C14orf93: variants seen among roughly 807,000 people sequenced by gnomAD.
C14orf93 encodes the protein uncharacterized protein C14orf93.
Under a neutral mutation model 44.0 loss-of-function variants are expected in C14orf93, and 23 were observed. The observed-to-expected ratio is 0.52, with a 90% CI of 0.38 to 0.74. C14orf93 has a LOEUF of 0.74. Among genes scored for constraint, C14orf93 ranks in the 30% least tolerant of loss-of-function variants. The pLI is 0.00. For missense variants in C14orf93, 579 were observed against 678.9 expected (o/e 0.85, Z 1.64); for synonymous variants, 253 against 265.7 (o/e 0.95, Z 0.46).
rs557043681 is a variant in C14orf93, at chr14:23,001,897, C to G, written c.-379-2495G>C. ...TGGGCGGTGGCTCACGCCTGTAATC[C>G]CAGCACTTTGGGAGGCCGAGGCCGG... On this transcript the variant is annotated intron_variant, in intron 1 of 6. Transcript: ENST00000299088. Among the ~76,000 whole-genome samples, 332 of 147,438 alleles carry G rather than the reference C, an allele frequency of 2.3e-3. 1 individual carries two copies. The highest frequency in any genetic ancestry group is 8.0e-3 in the African/African-American group (316 of 39,600).
chr14:22,999,182 T>C lies in C14orf93; in HGVS notation c.-159A>G. On this transcript the variant is annotated 5_prime_UTR_variant, in exon 2 of 7. The change abolishes an upstream ATG in the 5' untranslated region. Coordinates refer to ENST00000299088, the MANE Select transcript of C14orf93 (RefSeq NM_021944.4). The stretch of plus-strand genomic sequence containing the variant: ...CTGTGAAAGAAGAGTAAACAAGCCA[T>C]GAAGAAGCACACAGTCCATGGCGGC... 3 of 1,197,596 alleles carry C rather than the reference T, an allele frequency of 2.5e-6. No homozygotes were observed. The South Asian group carries it at 4.8e-5, about 19-fold the overall frequency. 74.2% of individuals were successfully genotyped at this position (1,197,596 alleles called of 1,614,324 possible). A position where few individuals can be genotyped will look rare whatever the true frequency, so the allele number is the denominator to read the frequency against.
At chr14:23,003,872 ATATATATATATATATATATATATATAT>A (rs1306392602) in intron 1 of C14orf93, among the ~76,000 whole-genome samples, 1 of 11,444 alleles carries the variant, frequency 8.7e-5, no homozygotes, top group Non-Finnish European at 1.5e-4. Context: ...ATATATATAT[ATATATATATATATATATATATATATAT>A]TTTTTTTTTT....
In C14orf93 at chr14:23,000,337, G is replaced by T. The variant is rs564423958; in HGVS notation, c.-379-935C>A. Reference sequence around the variant, plus strand: ...GATAGAAAAAAAATCCTTCTGATGTGCCATGTCAAAACCTTAAGTATGTTT... The same window carrying T: ...GATAGAAAAAAAATCCTTCTGATGTTCCATGTCAAAACCTTAAGTATGTTT... On this transcript the variant is annotated intron_variant, in intron 1 of 6. Coordinates refer to ENST00000299088, the MANE Select transcript of C14orf93 (RefSeq NM_021944.4). Among the ~76,000 whole-genome samples, 366 of 152,060 alleles carry T rather than the reference G, an allele frequency of 2.4e-3. 1 individual carries two copies. The highest frequency in any genetic ancestry group is 8.4e-3 in the African/African-American group (348 of 41,472).
Position 22,986,378 on chromosome 14 carries a change from A to C in C14orf93, c.*837T>G, listed in dbSNP as rs1037975221. On this transcript the variant is annotated 3_prime_UTR_variant, in exon 7 of 7. Transcript: ENST00000299088. ...ATCCAACCTTATCAACAATGTATCC[A>C]TAGCACAGTACCTGACACCTAGTAA... The C allele has an allele frequency of 2.6e-5, 4 of 152,294 alleles. No individual in the cohort carries two copies. The highest frequency in any genetic ancestry group is 2.0e-4 in the Admixed American group (3 of 15,288). 9.4% of individuals were successfully genotyped at this position (152,294 alleles called of 1,614,324 possible).
Position 22,996,268 on chromosome 14 carries a change from G to C in C14orf93, c.598C>G (p.Leu200Val). The change falls in exon 3 of 7, where the codon CTG (leucine) becomes GTG (valine). Residue 200 changes from leucine to valine, a missense_variant and splice_region_variant. Physicochemically the swap from Leu to Val is conservative, Grantham distance 32. Transcript: ENST00000299088. This position sits in a 1 kb window ranked among gnomAD's most constrained non-coding sequence, Gnocchi z 4.1. ...TCAGAGGCCACGTAATCATCCACCA[G>C]CTAAGAACATAAAAAATAATAGCCT... ...ASEAAPLLNP[L>V]VDDYVASEGA... 6.5e-7 allele frequency: 1 copy of C among 1,536,386 alleles called. No homozygotes were observed. Among genetic ancestry groups the C allele is most frequent in the Non-Finnish European group, 8.8e-7 (1 of 1,137,974 alleles).
intron 2 of C14orf93, chr14:22,998,152 T>C (rs1378869218): frequency 7.6e-6 from 3 of 395,874 alleles, no homozygotes; most frequent in Admixed American, 4.1e-5. Context: ...CCGAGACAGC[T>C]GTGGAAGAGA....
At position 22,999,060 on chromosome 14, in the gene C14orf93, G is replaced by A; in HGVS notation, c.-37C>T. The A allele has an allele frequency of 1.3e-6, 2 of 1,561,254 alleles. No homozygotes were observed. The highest frequency in any genetic ancestry group is 1.7e-6 in the Non-Finnish European group (2 of 1,156,372). On this transcript the variant is annotated 5_prime_UTR_variant, in exon 2 of 7. Transcript: ENST00000299088. ...CAGTAACAACCACGCTTACACTGCT[G>A]GGCCGCTCCAACAGGTAGGAAGCAT...
chr14:22,988,037 G>C, intron 5 of C14orf93, 22 bp from the exon 6 acceptor site: 2 of 1,540,892 alleles, frequency 1.3e-6, no homozygotes. Flanking sequence ...GGAAGGAAGG[G>C]AGCAAGAAGG....
chr14:22,991,450 G>A (rs866603782), intron 3 of C14orf93, among the ~76,000 whole-genome samples: 8 of 148,100 alleles, frequency 5.4e-5, no homozygotes, highest in Non-Finnish European at 7.5e-5. Flanking sequence ...TCACCATGTT[G>A]GTCAGGCTGG....
Position 22,998,707 on chromosome 14 carries a change from G to T in C14orf93, c.317C>A (p.Ser106Tyr), listed in dbSNP as rs1190550899. ...GCTTTCCCCATCTTCATCAGGGATG[G>T]ACACTTTCCCTTGCCTCAGGTCACC... ...EVGDLRQGKV[S>Y]IPDEDGESRA... Residue 106 changes from serine to tyrosine, a missense_variant, in exon 2 of 7, where the codon TCC becomes TAC. Physicochemically the swap from Ser to Tyr is moderately radical, Grantham distance 144. Transcript: ENST00000299088. The T allele has an allele frequency of 1.2e-6, 2 of 1,614,234 alleles. No individual in the cohort carries two copies. Among genetic ancestry groups the T allele is most frequent in the South Asian group, 1.1e-5 (1 of 91,088 alleles).
Position 22,987,882 on chromosome 14 carries a change from A to G in C14orf93, c.1197+21T>C, listed in dbSNP as rs1426721601. ...AAGGGTTTAGAGTTTAGTATCTTGA[A>G]AGAAAGGCCTAGAAACCTACCCGAT... On this transcript the variant is annotated intron_variant, in intron 6 of 6. Transcript: ENST00000299088. This position sits in a 1 kb window ranked among gnomAD's most constrained non-coding sequence, Gnocchi z 5.6. 1.9e-6 allele frequency: 3 copies of G among 1,578,264 alleles called. No individual in the cohort carries two copies. Among genetic ancestry groups the G allele is most frequent in the Non-Finnish European group, 1.7e-6 (2 of 1,148,210 alleles).
At chr14:22,991,639 C>T (rs2045637361) in intron 3 of C14orf93, among the ~76,000 whole-genome samples, 2 of 150,752 alleles carry the variant, frequency 1.3e-5, no homozygotes, top group African/African-American at 4.9e-5. Context: ...GGCGGGATCT[C>T]GGCTCACTGC....
chr14:22,987,622 G>C lies in C14orf93; in HGVS notation c.1210C>G (p.Arg404Gly), dbSNP rs777509752. ...CCAAAATGCCTCATGATACTGGATCGGTTGGCAAAAAGCTAAGGCAGGAAC... is the reference window on the plus strand; with the variant it reads ...CCAAAATGCCTCATGATACTGGATCCGTTGGCAAAAAGCTAAGGCAGGAAC... Reference protein sequence around the residue: ...RSRRYRLFANRSSIMRHFGPE... With the variant: ...RSRRYRLFANGSSIMRHFGPE... The change falls in exon 7 of 7, where the codon CGA becomes GGA. Residue 404 changes from arginine (R) to glycine (G), a missense_variant. Physicochemically the swap from Arg to Gly is moderately radical, Grantham distance 125 (BLOSUM62 -2). Coordinates refer to ENST00000299088, the MANE Select transcript of C14orf93 (RefSeq NM_021944.4). This position sits in a 1 kb window ranked among gnomAD's most constrained non-coding sequence, Gnocchi z 5.6. 6.3e-7 allele frequency: 1 copy of C among 1,588,658 alleles called. No individual in the cohort carries two copies. Among genetic ancestry groups the C allele is most frequent in the South Asian group, 1.1e-5 (1 of 87,564 alleles).
intron 1 of C14orf93, among the ~76,000 whole-genome samples, chr14:23,002,198 C>T (rs1420661368): frequency 6.6e-6 from 1 of 150,630 alleles, no homozygotes; most frequent in Non-Finnish European, 1.5e-5. Context: ...CACCTGTAAT[C>T]CCAATACTTT....
chr14:22,991,907 C>T (rs1566673431), intron 3 of C14orf93, among the ~76,000 whole-genome samples: 2 of 152,166 alleles, frequency 1.3e-5, no homozygotes, highest in Non-Finnish European at 2.9e-5. Flanking sequence ...ATGACCCAGG[C>T]AAAAGCCCCG....
chr14:22,996,405 C>T lies in C14orf93; in HGVS notation c.598-137G>A. The T allele has an allele frequency of 1.2e-6, 1 of 861,924 alleles. No individual in the cohort carries two copies. Among genetic ancestry groups the T allele is most frequent in the Non-Finnish European group, 1.7e-6 (1 of 586,416 alleles). 53.4% of individuals were successfully genotyped at this position (861,924 alleles called of 1,614,324 possible). A position where few individuals can be genotyped will look rare whatever the true frequency, so the allele number is the denominator to read the frequency against. On this transcript the variant is annotated intron_variant, in intron 2 of 6. Transcript: ENST00000299088. This position sits in a 1 kb window ranked among gnomAD's most constrained non-coding sequence, Gnocchi z 4.1. ...TAGCACAGTCTTTAATGGTCAATGG[C>T]TTGTTTCTCTGGGACTCCTATGAGT...
chr14:23,004,717 G>A (rs1181908979), intron 1 of C14orf93, among the ~76,000 whole-genome samples: 1 of 151,842 alleles, frequency 6.6e-6, no homozygotes, highest in African/African-American at 2.4e-5. Context: ...TCAGGAGTTC[G>A]AGACCAGCCT....
At chr14:22,997,777 T>C (rs939715793) in intron 2 of C14orf93, among the ~76,000 whole-genome samples, 1 of 152,058 alleles carries the variant, frequency 6.6e-6, no homozygotes, top group Non-Finnish European at 1.5e-5. Flanking sequence ...CTTTTTCTCA[T>C]TTCCCATTTT....
intron 3 of C14orf93, among the ~76,000 whole-genome samples, chr14:22,995,407 T>C (rs2045907122): frequency 6.6e-6 from 1 of 152,136 alleles, no homozygotes; most frequent in Non-Finnish European, 1.5e-5. Context: ...AGGCTGGGCA[T>C]GGTGGCTCAC....
Sources: allele counts gnomAD v4.1 joint callset (sites outside exome capture counted in the v4.1 genomes callset), GRCh38; gene constraint gnomAD v4.1.1; non-coding constraint Gnocchi (gnomAD v3.1); transcripts MANE v1.5; gene names NCBI Gene and HGNC (gene_info 2026-07-23, HGNC 2026-07-21).